The following AKT3 variants were observed in gnomAD, a reference collection of about 807,000 sequenced individuals.
The protein encoded by AKT3 is AKT serine/threonine kinase 3.
In AKT3, 15 loss-of-function variants were observed where a neutral mutation model predicts 65.3. That is an observed-to-expected ratio of 0.23 (90% CI 0.15 to 0.35). The LOEUF (loss-of-function observed/expected upper bound fraction) is 0.35, where lower values mean the gene tolerates loss of function less well. AKT3 is among the 10% of genes least tolerant of loss of function. The pLI, the probability that AKT3 is intolerant of heterozygous loss-of-function variation, is 1.00. For missense variants in AKT3, 243 were observed against 576.5 expected, an observed-to-expected ratio of 0.42 and a Z score of 5.92; for synonymous variants, 206 against 183.8, an observed-to-expected ratio of 1.12 and a Z score of -0.98.
chr1:243,723,600 C>A (rs1687043266), intron 2 of AKT3, among the ~76,000 whole-genome samples: 1 of 152,110 alleles, frequency 6.6e-6, no homozygotes, highest in Non-Finnish European at 1.5e-5. Context: ...AGCCACCAAC[C>A]CCTATGGAAA....
chr1:243,501,714 T>C lies in AKT3; in HGVS notation c.*3535A>G, dbSNP rs747020584. The C allele has an allele frequency of 1.5e-4, 34 of 232,916 alleles. No individual in the cohort carries two copies. Among genetic ancestry groups the C allele is most frequent in the Non-Finnish European group, 2.5e-4 (30 of 117,930 alleles). The allele number at this position is 232,916 out of a possible 1,614,324, so 14.4% of individuals were successfully genotyped here. A position where few individuals can be genotyped will look rare whatever the true frequency, so the allele number is the denominator to read the frequency against. ...AATCATGTTTTCATTAAAGAAGATT[T>C]AATTTGGGGGGATTATAGAACCACA... On this transcript the variant is annotated 3_prime_UTR_variant, in exon 14 of 14. Coordinates refer to ENST00000673466, the MANE Select transcript of AKT3 (RefSeq NM_005465.7).
At chr1:243,810,195 T>C (rs540349170) in intron 2 of AKT3, among the ~76,000 whole-genome samples, 5 of 151,842 alleles carry the variant, frequency 3.3e-5, no homozygotes, top group South Asian at 4.2e-4. Context: ...CTGAAGGAGA[T>C]AGAGACATAA....
intron 8 of AKT3, among the ~76,000 whole-genome samples, chr1:243,585,493 C>T (rs1675728548): frequency 6.6e-6 from 1 of 152,076 alleles, no homozygotes; most frequent in Admixed American, 6.6e-5. Context: ...TCGAACCATA[C>T]TATAAAGCTA....
chr1:243,660,388 A>T (rs1374734080), intron 4 of AKT3, among the ~76,000 whole-genome samples: 1 of 152,184 alleles, frequency 6.6e-6, no homozygotes, highest in Non-Finnish European at 1.5e-5. Flanking sequence ...CATCCCTGGG[A>T]TGCAAGGCTG....
chr1:243,498,294 C>T (rs1668539843), downstream of AKT3, among the ~76,000 whole-genome samples: 1 of 152,250 alleles, frequency 6.6e-6, no homozygotes, highest in African/African-American at 2.4e-5. Flanking sequence ...AGGGAGTCCC[C>T]TCTGCAATGG....
chr1:243,644,379 G>C (rs1478643207), intron 5 of AKT3, among the ~76,000 whole-genome samples: 3 of 152,058 alleles, frequency 2.0e-5, no homozygotes, highest in African/African-American at 7.2e-5. Flanking sequence ...GTGCTAGAAA[G>C]GGAGGAGTTC....
At chr1:243,742,313 G>A (rs1258014411) in intron 2 of AKT3, among the ~76,000 whole-genome samples, 4 of 152,024 alleles carry the variant, frequency 2.6e-5, no homozygotes, top group Non-Finnish European at 5.9e-5. Context: ...AAAAAGAATC[G>A]GATTTTATGT....
intron 10 of AKT3, among the ~76,000 whole-genome samples, chr1:243,557,943 G>A (rs1673516362): frequency 6.6e-6 from 1 of 152,178 alleles, no homozygotes; most frequent in Admixed American, 6.5e-5. Context: ...TCTAAGACTA[G>A]TTTTACAATC....
At chr1:243,839,455 T>G (rs1695100395) in intron 2 of AKT3, among the ~76,000 whole-genome samples, 2 of 152,246 alleles carry the variant, frequency 1.3e-5, no homozygotes, top group Non-Finnish European at 2.9e-5. Flanking sequence ...GACAATACTT[T>G]ACTTGATGTT....
In AKT3 at chr1:243,645,906, T is replaced by G. The variant is rs1680774872; in HGVS notation, c.416A>C (p.His139Pro). Residue 139 changes from histidine to proline, a missense_variant, in exon 5 of 14, where the codon CAT becomes CCT. Physicochemically the swap from His to Pro is moderately conservative, Grantham distance 77 (BLOSUM62 -2). Transcript: ENST00000673466. Reference sequence around the variant, plus strand: ...ATTATTTTCTACCTTTCTTTTATGATGGGTTGTAGAGGCATCCATCTCTTC... The same window carrying G: ...ATTATTTTCTACCTTTCTTTTATGAGGGGTTGTAGAGGCATCCATCTCTTC... ...GEEEMDASTT[H>P]HKRKTMNDFD... The G allele has an allele frequency of 6.2e-7, 1 of 1,606,740 alleles. No individual in the cohort carries two copies. Among genetic ancestry groups the G allele is most frequent in the Non-Finnish European group, 8.5e-7 (1 of 1,176,768 alleles).
At chr1:243,820,484 T>C (rs1693792152) in intron 2 of AKT3, among the ~76,000 whole-genome samples, 1 of 152,170 alleles carries the variant, frequency 6.6e-6, no homozygotes, top group Non-Finnish European at 1.5e-5. Context: ...CTTCAGAAGG[T>C]GGGTAATAAC....
At chr1:243,760,007 C>G (rs1299475175) in intron 2 of AKT3, among the ~76,000 whole-genome samples, 1 of 152,206 alleles carries the variant, frequency 6.6e-6, no homozygotes, top group African/African-American at 2.4e-5. Context: ...ACCCTAGATT[C>G]ATGTCACCTG....
chr1:243,615,000 T>C, intron 7 of AKT3, 96 bp downstream of exon 7: 1 of 885,410 alleles, frequency 1.1e-6, no homozygotes. Flanking sequence ...AAATGAGATA[T>C]CTAAATGAAT....
intron 2 of AKT3, among the ~76,000 whole-genome samples, chr1:243,697,768 T>C (rs551285351): frequency 6.6e-6 from 1 of 151,748 alleles, no homozygotes; most frequent in African/African-American, 2.4e-5. Context: ...TTTTCCCAAA[T>C]TTAATCTTTG....
At chr1:243,580,937 C>G (rs191740267) in intron 8 of AKT3, among the ~76,000 whole-genome samples, 30 of 152,294 alleles carry the variant, frequency 2.0e-4, no homozygotes, top group Admixed American at 5.9e-4. Context: ...TTCAGAGCAC[C>G]TCCTTGCCTG....
At chr1:243,795,138 CTTTTTT>C (rs879274798) in intron 2 of AKT3, among the ~76,000 whole-genome samples, 1 of 141,214 alleles carries the variant, frequency 7.1e-6, no homozygotes, top group African/African-American at 2.6e-5. Context: ...TCTATGTCTA[CTTTTTT>C]TTTTTTTTAA....
intron 2 of AKT3, among the ~76,000 whole-genome samples, chr1:243,825,634 G>A (rs552350849): frequency 7.2e-5 from 11 of 152,158 alleles, no homozygotes; most frequent in South Asian, 6.2e-4. Flanking sequence ...GTGACTATCC[G>A]TTTCATTGCA....
At chr1:243,835,411 A>T (rs564298045) in intron 2 of AKT3, among the ~76,000 whole-genome samples, 1 of 152,338 alleles carries the variant, frequency 6.6e-6, no homozygotes, top group East Asian at 1.9e-4. Context: ...AATAATCTGT[A>T]TACCAAACCC....
chr1:243,790,558 G>GGCTGTTTC, intron 2 of AKT3, among the ~76,000 whole-genome samples: 1 of 152,064 alleles, frequency 6.6e-6, no homozygotes, highest in African/African-American at 2.4e-5. Flanking sequence ...TCAGCAATAC[G>GGCTGTTTC]GCTGTTTCGC....
Sources: allele counts gnomAD v4.1 joint callset (sites outside exome capture counted in the v4.1 genomes callset), GRCh38; gene constraint gnomAD v4.1.1; transcripts MANE v1.5; gene names NCBI Gene and HGNC (gene_info 2026-07-23, HGNC 2026-07-21).